KPNA5: variants seen among roughly 807,000 people sequenced by gnomAD.
KPNA5 encodes the protein karyopherin subunit alpha 5, also known as importin subunit alpha-6.
KPNA5 carries 46 observed loss-of-function variants against 71.3 expected under a neutral mutation model. That is an observed-to-expected ratio of 0.65 (90% confidence interval 0.51 to 0.83). The LOEUF is 0.83. Among genes scored for constraint, KPNA5 ranks in the 40% least tolerant of loss-of-function variants. The pLI, the probability that KPNA5 is intolerant of heterozygous loss-of-function variation, is 0.00. For missense variants in KPNA5, 547 were observed against 628.3 expected, an observed-to-expected ratio of 0.87 and a Z score of 1.38; for synonymous variants, 207 against 201.4, an observed-to-expected ratio of 1.03 and a Z score of -0.24.
intron 8 of KPNA5, among the ~76,000 whole-genome samples, chr6:116,718,997 G>C (rs918234504): frequency 1.3e-5 from 2 of 151,936 alleles, no homozygotes; most frequent in African/African-American, 2.4e-5. Context: ...AGGTTGGCCA[G>C]CTCAAGCTCC....
intron 8 of KPNA5, among the ~76,000 whole-genome samples, chr6:116,719,601 C>T (rs1779029056): frequency 6.6e-6 from 1 of 152,066 alleles, no homozygotes; most frequent in Admixed American, 6.6e-5. Flanking sequence ...AATCCTAGCA[C>T]TTTGGGAGGC....
rs59936422 is a variant in KPNA5 at position 116,710,906 on chromosome 6, T to TAG, written c.657-5313_657-5312insAG. ...ATATATATATATATTTTTTTTTTTT[T>TAG]TTTTTTGAGTTGGAGTCTTGCTCTG... On this transcript the variant is annotated intron_variant, in intron 7 of 13. Coordinates refer to ENST00000368564, the MANE Select transcript of KPNA5 (RefSeq NM_001366306.2). 1.8e-5 allele frequency among the ~76,000 whole-genome samples: 2 copies of TAG among 110,724 alleles called. 1 individual carries two copies. Among genetic ancestry groups the TAG allele is most frequent in the Non-Finnish European group, 3.7e-5 (2 of 54,432 alleles). 72.6% of individuals were successfully genotyped at this position (110,724 alleles called of 152,430 possible). A position where few individuals can be genotyped will look rare whatever the true frequency, so the allele number is the denominator to read the frequency against.
chr6:116,738,115 A>G lies in KPNA5; in HGVS notation c.*5792A>G, dbSNP rs1779737017. Reference sequence around the variant, plus strand: ...TGACAGACCGTTAGCAAGACTAATAAAGAAGAAAAGAGAGAAGAATCAAAT... The same window carrying G: ...TGACAGACCGTTAGCAAGACTAATAGAGAAGAAAAGAGAGAAGAATCAAAT... On this transcript the variant is annotated 3_prime_UTR_variant, in exon 14 of 14. Coordinates refer to ENST00000368564, the MANE Select transcript of KPNA5 (RefSeq NM_001366306.2). The G allele has an allele frequency of 1.3e-5, 2 of 152,088 alleles. No individual in the cohort carries two copies. The highest frequency in any genetic ancestry group is 1.3e-4 in the Admixed American group (2 of 15,240). The allele number at this position is 152,088 out of a possible 1,614,324, so 9.4% of individuals were successfully genotyped here. A position where few individuals can be genotyped will look rare whatever the true frequency, so the allele number is the denominator to read the frequency against.
In KPNA5 at chr6:116,737,949, T is replaced by A. The variant is rs1484778638; in HGVS notation, c.*5626T>A. 1 of 151,978 alleles carries A rather than the reference T, an allele frequency of 6.6e-6. No homozygotes were observed. Among genetic ancestry groups the A allele is most frequent in the Non-Finnish European group, 1.5e-5 (1 of 67,940 alleles). 9.4% of individuals were successfully genotyped at this position (151,978 alleles called of 1,614,324 possible). On this transcript the variant is annotated 3_prime_UTR_variant, in exon 14 of 14. Transcript: ENST00000368564. ...TTCTTAAGTCTTTCCCTAATTTCCC[T>A]AAACATTTAAGGTTGTTAAATGTTT...
intron 6 of KPNA5, among the ~76,000 whole-genome samples, chr6:116,702,732 A>AGCCG (rs1331342023): frequency 6.6e-6 from 1 of 152,210 alleles, no homozygotes; most frequent in Non-Finnish European, 1.5e-5. Context: ...CGAATGGCAG[A>AGCCG]GCCGGGTTTT....
chr6:116,691,597 C>T (rs1777803719), intron 2 of KPNA5, among the ~76,000 whole-genome samples: 1 of 152,254 alleles, frequency 6.6e-6, no homozygotes, highest in East Asian at 1.9e-4. Flanking sequence ...AAGCATAGTA[C>T]TGTCATTCCT....
chr6:116,728,551 C>A (rs1039428885), intron 12 of KPNA5, among the ~76,000 whole-genome samples: 2 of 152,218 alleles, frequency 1.3e-5, no homozygotes, highest in East Asian at 3.9e-4. Flanking sequence ...CTCCTGTAAT[C>A]TCTTAACTAT....
chr6:116,726,863 C>T (rs746231512), intron 12 of KPNA5, among the ~76,000 whole-genome samples: 9 of 151,770 alleles, frequency 5.9e-5, no homozygotes, highest in Admixed American at 3.3e-4. Flanking sequence ...AAAATCCAAA[C>T]GGGAACGGTC....
intron 4 of KPNA5, 75 bp downstream of exon 4, chr6:116,692,467 T>A (rs552055175): frequency 1.6e-5 from 15 of 925,766 alleles, no homozygotes; most frequent in African/African-American, 6.8e-5. Flanking sequence ...TGTTTTTTTT[T>A]AAATTTTAAA....
intron 1 of KPNA5, among the ~76,000 whole-genome samples, chr6:116,683,291 G>C (rs905586797): frequency 6.6e-6 from 1 of 152,118 alleles, no homozygotes; most frequent in Non-Finnish European, 1.5e-5. Context: ...TGTATTTTAC[G>C]AATGTAGGAT....
chr6:116,697,590 C>T (rs1303844430), intron 4 of KPNA5, among the ~76,000 whole-genome samples: 1 of 152,040 alleles, frequency 6.6e-6, no homozygotes, highest in East Asian at 1.9e-4. Context: ...ATTCATCCTA[C>T]TCATCAAACA....
At chr6:116,713,594 T>A (rs1778782154) in intron 7 of KPNA5, among the ~76,000 whole-genome samples, 1 of 152,160 alleles carries the variant, frequency 6.6e-6, no homozygotes, top group Non-Finnish European at 1.5e-5. Context: ...TTATAAAGTT[T>A]GAAAAGTTTT....
intron 4 of KPNA5, among the ~76,000 whole-genome samples, chr6:116,693,677 T>G (rs145553724): frequency 0.28 from 42,104 of 151,694 alleles, 6,520 homozygotes; most frequent in African/African-American, 0.43. Flanking sequence ...TTTCTCCCAT[T>G]TTGTAGGTTG....
rs1316904531 is a variant in KPNA5, at chr6:116,741,012, A to G, written c.*8689A>G. On this transcript the variant is annotated 3_prime_UTR_variant, in exon 14 of 14. Coordinates refer to ENST00000368564, the MANE Select transcript of KPNA5 (RefSeq NM_001366306.2). Reference sequence around the variant, plus strand: ...AGTATAATAAAAAAAAAAGAAATGTACTTTTAAATTTCAGACCTTAAAAAT... The same window carrying G: ...AGTATAATAAAAAAAAAAGAAATGTGCTTTTAAATTTCAGACCTTAAAAAT... The G allele has an allele frequency of 6.7e-6, 1 of 149,406 alleles. No homozygotes were observed. Among genetic ancestry groups the G allele is most frequent in the Non-Finnish European group, 1.5e-5 (1 of 67,534 alleles). 9.3% of individuals were successfully genotyped at this position (149,406 alleles called of 1,614,324 possible).
chr6:116,716,390 G>A (rs1778889230), intron 8 of KPNA5, 72 bp downstream of exon 8: 3 of 1,007,292 alleles, frequency 3.0e-6, no homozygotes, highest in Non-Finnish European at 4.5e-6. Flanking sequence ...GCTTTTTGAT[G>A]TTTAAGGAAC....
At chr6:116,728,477 T>G (rs751299415) in intron 12 of KPNA5, among the ~76,000 whole-genome samples, 4 of 152,176 alleles carry the variant, frequency 2.6e-5, no homozygotes, top group Non-Finnish European at 5.9e-5. Context: ...CCAGTTATTG[T>G]GCTAAGTAAG....
intron 7 of KPNA5, among the ~76,000 whole-genome samples, chr6:116,713,736 C>T (rs1421674438): frequency 6.6e-6 from 1 of 151,960 alleles, no homozygotes; most frequent in African/African-American, 2.4e-5. Flanking sequence ...CTTTTTCTTT[C>T]TGCTTCTCAG....
At chr6:116,705,419 G>A (rs1407878427) in intron 7 of KPNA5, among the ~76,000 whole-genome samples, 1 of 152,072 alleles carries the variant, frequency 6.6e-6, no homozygotes, top group African/African-American at 2.4e-5. Context: ...CAAAAACAAG[G>A]ATATATAGTA....
intron 8 of KPNA5, among the ~76,000 whole-genome samples, chr6:116,718,031 C>T (rs373418545): frequency 1.2e-4 from 18 of 152,192 alleles, no homozygotes; most frequent in East Asian, 5.8e-4. Flanking sequence ...TTCCTGGCAC[C>T]GGCTGCCAAT....
Sources: allele counts gnomAD v4.1 joint callset (sites outside exome capture counted in the v4.1 genomes callset), GRCh38; gene constraint gnomAD v4.1.1; transcripts MANE v1.5; gene names NCBI Gene and HGNC (gene_info 2026-07-23, HGNC 2026-07-21).